The following EVI5 variants were observed in gnomAD, a reference collection of about 807,000 sequenced individuals.
EVI5 encodes ecotropic viral integration site 5.
EVI5 carries 73 observed loss-of-function variants against 112.0 expected under a neutral mutation model. That is an observed-to-expected ratio of 0.65 (90% CI 0.54 to 0.79). The LOEUF is 0.79. EVI5 is among the 30% of genes least tolerant of loss of function. The probability of loss-of-function intolerance (pLI) is 0.00; values close to 1 mark genes in which losing one functional copy is unlikely to be tolerated. For missense variants in EVI5, 900 were observed against 968.8 expected, an observed-to-expected ratio of 0.93 and a Z score of 0.94; for synonymous variants, 305 against 319.9, an observed-to-expected ratio of 0.95 and a Z score of 0.50.
At chr1:92,633,237 T>G (rs1657610009) in intron 14 of EVI5, among the ~76,000 whole-genome samples, 1 of 152,204 alleles carries the variant, frequency 6.6e-6, no homozygotes, top group Non-Finnish European at 1.5e-5. Context: ...TTGTTAACTT[T>G]CTGTCTCACT....
At chr1:92,662,934 TTTAG>T in intron 12 of EVI5, 69 bp from the exon 13 acceptor site, 1 of 834,724 alleles carries the variant, frequency 1.2e-6, no homozygotes, top group Non-Finnish European at 1.5e-6. Context: ...CTTTGTGAGG[TTTAG>T]TTATTTACTT....
In EVI5 at chr1:92,513,156, AAAC is replaced by A. The variant is rs1659298990; in HGVS notation, c.*497_*499del. ...GACTGAATCTCTGTCTTAAAAAAAA[AAAC>A]AACAATAAAAAAAAAAACACAAGGT... On this transcript the variant is annotated 3_prime_UTR_variant, in exon 20 of 20. Transcript: ENST00000684568. 1 of 101,546 alleles carries A rather than the reference AAAC, an allele frequency of 9.8e-6. No individual in the cohort carries two copies. The highest frequency in any genetic ancestry group is 2.2e-5 in the Non-Finnish European group (1 of 45,120). 6.3% of individuals were successfully genotyped at this position (101,546 alleles called of 1,614,324 possible). A position where few individuals can be genotyped will look rare whatever the true frequency, so the allele number is the denominator to read the frequency against.
At chr1:92,533,945 G>C (rs1037544156) in intron 19 of EVI5, among the ~76,000 whole-genome samples, 1 of 152,134 alleles carries the variant, frequency 6.6e-6, no homozygotes, top group Non-Finnish European at 1.5e-5. Context: ...TCAGGTAAAA[G>C]AAAGAAATAA....
intron 18 of EVI5, among the ~76,000 whole-genome samples, chr1:92,576,764 A>G (rs1378430018): frequency 2.0e-5 from 3 of 152,310 alleles, no homozygotes; most frequent in African/African-American, 7.2e-5. Flanking sequence ...TACAAGAGTG[A>G]TATGTATTCT....
intron 18 of EVI5, among the ~76,000 whole-genome samples, chr1:92,589,292 G>A (rs1020766486): frequency 1.3e-4 from 20 of 152,242 alleles, no homozygotes; most frequent in Middle Eastern, 3.4e-3. Context: ...GCAGCACACC[G>A]AGCGTGAGCC....
chr1:92,739,200 G>C (rs1677941589), intron 1 of EVI5, among the ~76,000 whole-genome samples: 1 of 148,964 alleles, frequency 6.7e-6, no homozygotes, highest in Non-Finnish European at 1.5e-5. Context: ...TTGAACCCGA[G>C]AGGCAGAGGT....
At chr1:92,670,870 G>A (rs1214222358) in intron 10 of EVI5, among the ~76,000 whole-genome samples, 1 of 151,936 alleles carries the variant, frequency 6.6e-6, no homozygotes, top group Non-Finnish European at 1.5e-5. Context: ...TTGATTTCTT[G>A]TTATTGTGTA....
intron 18 of EVI5, among the ~76,000 whole-genome samples, chr1:92,564,187 TA>T (rs1669068126): frequency 1.3e-5 from 2 of 152,296 alleles, no homozygotes; most frequent in African/African-American, 4.8e-5. Context: ...AAATGCTTAA[TA>T]AAGGTTGTTT....
upstream of EVI5, among the ~76,000 whole-genome samples, chr1:92,786,478 C>T (rs899262445): frequency 2.6e-5 from 4 of 152,054 alleles, no homozygotes; most frequent in Non-Finnish European, 5.9e-5. Context: ...GTACCTCTCC[C>T]CTCTTATATT....
chr1:92,523,136 C>T (rs1305064609), intron 19 of EVI5, among the ~76,000 whole-genome samples: 1 of 152,164 alleles, frequency 6.6e-6, no homozygotes. Flanking sequence ...AGCAATCCTC[C>T]TGCCTCAGAC....
rs145217345 is a variant in EVI5, at chr1:92,560,274, T to C, written c.2166+3368A>G. ...ACAAAGTAAAATCTCACAAACAATGTTGAGCAAAACAAGCAAGACACAAAA... is the reference window on the plus strand; with the variant it reads ...ACAAAGTAAAATCTCACAAACAATGCTGAGCAAAACAAGCAAGACACAAAA... On this transcript the variant is annotated intron_variant, in intron 19 of 19. Coordinates refer to ENST00000684568, the MANE Select transcript of EVI5 (RefSeq NM_001350197.2). Among the ~76,000 whole-genome samples, 421 of 152,262 alleles carry C rather than the reference T, an allele frequency of 2.8e-3. 5 individuals are homozygous for C. The highest frequency in any genetic ancestry group is 9.0e-3 in the African/African-American group (376 of 41,552).
chr1:92,722,782 T>G (rs1674968054), intron 2 of EVI5, among the ~76,000 whole-genome samples: 1 of 152,144 alleles, frequency 6.6e-6, no homozygotes, highest in Admixed American at 6.6e-5. Flanking sequence ...CCAAAACTTC[T>G]GACCAGAGGA....
In EVI5 at chr1:92,565,539, T is replaced by G. The variant is rs114957683; in HGVS notation, c.2071-1802A>C. Among the ~76,000 whole-genome samples the G allele has an allele frequency of 2.7e-3, 418 of 152,258 alleles. 6 individuals are homozygous for G. The highest frequency in any genetic ancestry group is 9.7e-3 in the African/African-American group (405 of 41,556). On this transcript the variant is annotated intron_variant, in intron 18 of 19. Coordinates refer to ENST00000684568, the MANE Select transcript of EVI5 (RefSeq NM_001350197.2). ...AAGCATTTGTCAATGTGGAGATTCCTCCCATATTTAAAATCACAGTCAGAA... is the reference window on the plus strand; with the variant it reads ...AAGCATTTGTCAATGTGGAGATTCCGCCCATATTTAAAATCACAGTCAGAA...
chr1:92,752,576 C>T (rs1385176613), intron 1 of EVI5, among the ~76,000 whole-genome samples: 1 of 152,080 alleles, frequency 6.6e-6, no homozygotes, highest in Non-Finnish European at 1.5e-5. Flanking sequence ...GAGTGCTAAG[C>T]ACAGCAGGTT....
At chr1:92,530,400 A>C (rs1366879734) in intron 19 of EVI5, among the ~76,000 whole-genome samples, 1 of 152,122 alleles carries the variant, frequency 6.6e-6, no homozygotes, top group Non-Finnish European at 1.5e-5. Context: ...AGCTCTGAAG[A>C]GAGCAGCGGA....
At chr1:92,586,122 A>T (rs1269189223) in intron 18 of EVI5, among the ~76,000 whole-genome samples, 4 of 152,340 alleles carry the variant, frequency 2.6e-5, no homozygotes, top group Middle Eastern at 3.4e-3. Context: ...GTCACATGAT[A>T]TCAAGGGTAT....
intron 19 of EVI5, among the ~76,000 whole-genome samples, chr1:92,530,971 G>A (rs1179900516): frequency 6.6e-6 from 1 of 151,838 alleles, no homozygotes; most frequent in African/African-American, 2.4e-5. Context: ...TCAGAAAGTG[G>A]GTAATAACAA....
At chr1:92,701,602 C>T (rs1017481557) in intron 5 of EVI5, among the ~76,000 whole-genome samples, 1 of 152,046 alleles carries the variant, frequency 6.6e-6, no homozygotes, top group African/African-American at 2.4e-5. Flanking sequence ...GATTATCCTA[C>T]CCCCGAATTC....
chr1:92,647,168 T>TA (rs1274363048), intron 13 of EVI5: 1 of 161,626 alleles, frequency 6.2e-6, no homozygotes, highest in African/African-American at 2.4e-5. Context: ...CCGTTAGACT[T>TA]AAAGTCAGCA....
Sources: gnomAD v4.1 joint callset for allele counts (sites outside exome capture counted in the v4.1 genomes callset) on GRCh38, gnomAD v4.1.1 for gene constraint, MANE v1.5 for transcripts, NCBI Gene and HGNC (gene_info 2026-07-23, HGNC 2026-07-21) for gene names.